The following SCN11A variants were observed in gnomAD, a reference collection of about 807,000 sequenced individuals.
SCN11A encodes sodium voltage-gated channel alpha subunit 11, also known as sodium channel protein type 11 subunit alpha.
SCN11A carries 122 observed loss-of-function variants against 162.2 expected under a neutral mutation model. The ratio of observed to expected loss-of-function variants is 0.75; its 90% CI spans 0.65 to 0.87. SCN11A has a LOEUF of 0.87. SCN11A is among the 40% of genes least tolerant of loss of function. The probability of loss-of-function intolerance (pLI) is 0.00; values close to 1 mark genes in which losing one functional copy is unlikely to be tolerated. For synonymous variants in SCN11A, 758 were observed against 751.5 expected (o/e 1.01, Z -0.14); for missense variants, 2,015 against 2,181.6 (o/e 0.92, Z 1.52).
At chr3:38,941,605 G>T (rs1382152305) in intron 7 of SCN11A, among the ~76,000 whole-genome samples, 1 of 152,170 alleles carries the variant, frequency 6.6e-6, no homozygotes, top group African/African-American at 2.4e-5. Context: ...TCACTTGAAG[G>T]AATTCAACGT....
Position 38,950,069 on chromosome 3 carries a change from A to ACCCCCCCCC in SCN11A, c.267+18_267+26dup. 3 of 65,030 alleles carry ACCCCCCCCC rather than the reference A, an allele frequency of 4.6e-5. 1 individual carries two copies. The highest frequency in any genetic ancestry group is 5.0e-4 in the South Asian group (2 of 4,032). 4.0% of individuals were successfully genotyped at this position (65,030 alleles called of 1,614,324 possible). ...GCATGGTTAGAACACCCCCACCCCC[A>ACCCCCCCCC]CCCCCCCCCCCCGCCCAATGAAGTA... On this transcript the variant is annotated intron_variant, in intron 5 of 29. Coordinates refer to ENST00000302328, the MANE Select transcript of SCN11A (RefSeq NM_001349253.2).
chr3:38,898,179 A>G (rs1005974152), intron 17 of SCN11A, among the ~76,000 whole-genome samples: 2 of 152,230 alleles, frequency 1.3e-5, no homozygotes, highest in African/African-American at 2.4e-5. Flanking sequence ...CAGAGGTTGC[A>G]GTGAGCTGAG....
chr3:38,980,496 C>T (rs966429745), intron 2 of SCN11A, among the ~76,000 whole-genome samples: 2 of 152,144 alleles, frequency 1.3e-5, no homozygotes, highest in Admixed American at 1.3e-4. Context: ...TACGCTCTTA[C>T]TGCGGAGCCC....
At chr3:38,960,985 GTTGT>G (rs1467318761) in intron 2 of SCN11A, among the ~76,000 whole-genome samples, 5 of 152,124 alleles carry the variant, frequency 3.3e-5, no homozygotes, top group South Asian at 2.1e-4. Flanking sequence ...TGTTTTTTTT[GTTGT>G]TTGTTTGTTT....
At chr3:38,918,184 C>T (rs573716718) in intron 11 of SCN11A, among the ~76,000 whole-genome samples, 22 of 151,946 alleles carry the variant, frequency 1.4e-4, no homozygotes, top group African/African-American at 5.1e-4. Flanking sequence ...ATACACCCCA[C>T]GTTGGATTCT....
rs116192484 is a variant in SCN11A, at chr3:38,948,836, T to C, written c.267+1260A>G. Among the ~76,000 whole-genome samples the C allele has an allele frequency of 3.9e-3, 587 of 152,300 alleles. 3 individuals are homozygous for C. The highest frequency in any genetic ancestry group is 6.8e-3 in the Middle Eastern group (2 of 294). Reference sequence around the variant, plus strand: ...TGACTCATGCGTCTCCTCTCCAGCATTGATGCAGAAGGAGACCTCTACAGT... The same window carrying C: ...TGACTCATGCGTCTCCTCTCCAGCACTGATGCAGAAGGAGACCTCTACAGT... On this transcript the variant is annotated intron_variant, in intron 5 of 29. Coordinates refer to ENST00000302328, the MANE Select transcript of SCN11A (RefSeq NM_001349253.2).
At chr3:38,908,228 G>GT in intron 13 of SCN11A, 106 bp from the exon 14 acceptor site, 1 of 944,304 alleles carries the variant, frequency 1.1e-6, no homozygotes. Context: ...TGGTAGCTCT[G>GT]TATCATTTAA....
chr3:38,849,135 T>G (rs1378216293), intron 29 of SCN11A: 1 of 152,160 alleles, frequency 6.6e-6, no homozygotes, highest in African/African-American at 2.4e-5. Flanking sequence ...GCAAAGTGCA[T>G]GATGCCTGGC....
At chr3:39,039,636 G>A (rs1029093971) in intron 1 of SCN11A, among the ~76,000 whole-genome samples, 2 of 152,222 alleles carry the variant, frequency 1.3e-5, no homozygotes. Context: ...AGGTAGTCCA[G>A]CACAGTAAGG....
At chr3:38,924,112 C>T (rs1385577898) in intron 9 of SCN11A, among the ~76,000 whole-genome samples, 3 of 152,164 alleles carry the variant, frequency 2.0e-5, no homozygotes, top group Admixed American at 1.3e-4. Context: ...CTCCCTGTAG[C>T]AGGAGGTCTT....
At position 38,870,588 on chromosome 3, in the gene SCN11A, C is replaced by T. The variant is rs1255248558; in HGVS notation, c.3813+103G>A. 3.3e-6 allele frequency: 3 copies of T among 911,160 alleles called. No individual in the cohort carries two copies. The Admixed American group carries it at 6.2e-5, about 19-fold the overall frequency. 56.4% of individuals were successfully genotyped at this position (911,160 alleles called of 1,614,324 possible). A position where few individuals can be genotyped will look rare whatever the true frequency, so the allele number is the denominator to read the frequency against. ...GTTCCAAAGAAAACAAGGCAGAGAACCCCAGCTGCTGGAACTATGACGCCA... is the reference window on the plus strand; with the variant it reads ...GTTCCAAAGAAAACAAGGCAGAGAATCCCAGCTGCTGGAACTATGACGCCA... On this transcript the variant is annotated intron_variant, in intron 26 of 29. Coordinates refer to ENST00000302328, the MANE Select transcript of SCN11A (RefSeq NM_001349253.2).
At chr3:38,921,293 C>T (rs1358797195) in intron 9 of SCN11A, 38 bp from the exon 10 acceptor site, 1 of 1,596,120 alleles carries the variant, frequency 6.3e-7, no homozygotes, top group East Asian at 2.2e-5. Context: ...AGCCCATCCC[C>T]CTCAGCCAGA....
chr3:38,858,669 G>C (rs1474313475), intron 28 of SCN11A, among the ~76,000 whole-genome samples: 1 of 152,054 alleles, frequency 6.6e-6, no homozygotes, highest in Non-Finnish European at 1.5e-5. Context: ...GAAATTAACA[G>C]ATATTTACAG....
chr3:38,937,116 T>C (rs1559543968), intron 7 of SCN11A, among the ~76,000 whole-genome samples: 1 of 151,948 alleles, frequency 6.6e-6, no homozygotes, highest in African/African-American at 2.4e-5. Context: ...AAACAAGCAA[T>C]GGGGAAAGGA....
chr3:39,003,052 G>A (rs1162703835), intron 2 of SCN11A, among the ~76,000 whole-genome samples: 1 of 152,246 alleles, frequency 6.6e-6, no homozygotes, highest in East Asian at 1.9e-4. Context: ...TTTAGATTCA[G>A]AGGTACCTGT....
chr3:38,885,022 C>T (rs2065371701), intron 21 of SCN11A, among the ~76,000 whole-genome samples: 1 of 152,296 alleles, frequency 6.6e-6, no homozygotes, highest in Non-Finnish European at 1.5e-5. Flanking sequence ...GACATATTGG[C>T]CCAGTGGGCT....
chr3:38,985,717 C>T (rs1575347622), intron 2 of SCN11A, among the ~76,000 whole-genome samples: 1 of 151,002 alleles, frequency 6.6e-6, no homozygotes, highest in Admixed American at 6.6e-5. Context: ...ATGGTGAAAA[C>T]TAGAAGAGAC....
rs774302638 is a variant in SCN11A, at chr3:38,880,159, A to G, written c.3220-36T>C. The G allele has an allele frequency of 5.3e-6, 8 of 1,499,870 alleles. No homozygotes were observed. The Admixed American group carries it at 1.5e-4, about 27-fold the overall frequency. 92.9% of individuals were successfully genotyped at this position (1,499,870 alleles called of 1,614,324 possible). ...AAAGCATAGCCATAGGCCAGGTTGA[A>G]TATTTGCAAAGAACTCCTTGGTAAC... is the stretch of plus-strand genomic sequence containing the variant. On this transcript the variant is annotated intron_variant, in intron 22 of 29. Coordinates refer to ENST00000302328, the MANE Select transcript of SCN11A (RefSeq NM_001349253.2).
chr3:39,028,105 G>C (rs1324932675), intron 2 of SCN11A, among the ~76,000 whole-genome samples: 1 of 152,148 alleles, frequency 6.6e-6, no homozygotes, highest in Non-Finnish European at 1.5e-5. Flanking sequence ...TGGGAGTACA[G>C]TCTGTCAACT....
Sources: allele counts gnomAD v4.1 joint callset (sites outside exome capture counted in the v4.1 genomes callset), GRCh38; gene constraint gnomAD v4.1.1; transcripts MANE v1.5; gene names NCBI Gene and HGNC (gene_info 2026-07-23, HGNC 2026-07-21).